The following LRTM2 variants were observed in gnomAD, a reference collection of about 807,000 sequenced individuals.
LRTM2 encodes leucine-rich repeat and transmembrane domain-containing protein 2.
A neutral mutation model predicts 28.1 loss-of-function variants in LRTM2; 18 were observed. The ratio of observed to expected loss-of-function variants is 0.64; its 90% confidence interval spans 0.44 to 0.95. The LOEUF (loss-of-function observed/expected upper bound fraction) is 0.95, where lower values mean the gene tolerates loss of function less well. Among genes scored for constraint, LRTM2 ranks in the 40% least tolerant of loss-of-function variants. The pLI is 0.00. For missense variants in LRTM2, 436 were observed against 497.2 expected (o/e 0.88, Z 1.17); for synonymous variants, 250 against 218.7 (o/e 1.14, Z -1.26).
rs11061994 is a variant in LRTM2, at chr12:1,835,659, A to T, written c.*938A>T. The T allele has an allele frequency of 6.6e-6, 1 of 152,588 alleles. No homozygotes were observed. Among genetic ancestry groups the T allele is most frequent in the Non-Finnish European group, 1.5e-5 (1 of 68,048 alleles). The allele number at this position is 152,588 out of a possible 1,614,324, so 9.5% of individuals were successfully genotyped here. A position where few individuals can be genotyped will look rare whatever the true frequency, so the allele number is the denominator to read the frequency against. On this transcript the variant is annotated 3_prime_UTR_variant, in exon 5 of 5. Transcript: ENST00000299194. ...CCCCTGGAGGAGCCCTCCTGTCACC[A>T]TGGTAACCCTCTCACACCTCTCCTG...
rs777663696 is a variant in LRTM2 at position 1,834,369 on chromosome 12, A to T, written c.761A>T (p.Glu254Val). ...ATGTTCAACTACTGCTCCCAGCTGG[A>T]GGACGAGAATAGCTCAGCTGGGCTG... ...MEMFNYCSQL[E>V]DENSSAGLDI... Residue 254 changes from glutamate to valine, a missense_variant, in exon 5 of 5, where the codon GAG becomes GTG. Coordinates refer to ENST00000299194, the MANE Select transcript of LRTM2 (RefSeq NM_001039029.3). The surrounding 1 kb of genome is among the most constrained non-coding windows in gnomAD (Gnocchi z 7.6). 1 of 1,613,136 alleles carries T rather than the reference A, an allele frequency of 6.2e-7. No individual in the cohort carries two copies. Among genetic ancestry groups the T allele is most frequent in the South Asian group, 1.1e-5 (1 of 91,064 alleles).
In LRTM2 at chr12:1,834,920, G is replaced by A. The variant is rs7954520; in HGVS notation, c.*199G>A. 13,784 of 972,180 alleles carry A rather than the reference G, an allele frequency of 0.014. 844 individuals are homozygous for A. In the African/African-American group the frequency reaches 0.16, roughly 11 times the overall value. The allele number at this position is 972,180 out of a possible 1,614,324, so 60.2% of individuals were successfully genotyped here. On this transcript the variant is annotated 3_prime_UTR_variant, in exon 5 of 5. Transcript: ENST00000299194. The surrounding 1 kb of genome is among the most constrained non-coding windows in gnomAD (Gnocchi z 7.6). ...GAAAGCCACCGTGCTGGGGGCTCCT[G>A]CTGATGCTCCTGTCTGGGCCAGTAA...
Position 1,835,061 on chromosome 12 carries a change from T to G in LRTM2, c.*340T>G, listed in dbSNP as rs1592697629. The G allele has an allele frequency of 3.9e-6, 1 of 257,468 alleles. No individual in the cohort carries two copies. The highest frequency in any genetic ancestry group is 7.4e-6 in the Non-Finnish European group (1 of 134,264). The allele number at this position is 257,468 out of a possible 1,614,324, so 15.9% of individuals were successfully genotyped here. A position where few individuals can be genotyped will look rare whatever the true frequency, so the allele number is the denominator to read the frequency against. The stretch of plus-strand genomic sequence containing the variant: ...CCCTGTCGCCCTTCCTGCCCTGGGG[T>G]GGCCATAGCTGGTGACTCTTCCTAC... On this transcript the variant is annotated 3_prime_UTR_variant, in exon 5 of 5. Coordinates refer to ENST00000299194, the MANE Select transcript of LRTM2 (RefSeq NM_001039029.3).
At chr12:1,822,111 G>T (rs916654508) in intron 1 of LRTM2, 2 of 152,044 alleles carry the variant, frequency 1.3e-5, no homozygotes, top group Non-Finnish European at 2.9e-5. Context: ...CCAAAAGAGG[G>T]AGACCAGGAA....
rs1186760291 is a variant in LRTM2, at chr12:1,833,084, CA to C, written c.659-1178del. On this transcript the variant is annotated intron_variant, in intron 4 of 4. Coordinates refer to ENST00000299194, the MANE Select transcript of LRTM2 (RefSeq NM_001039029.3). The surrounding 1 kb of genome is among the most constrained non-coding windows in gnomAD (Gnocchi z 4.2). ...GTCGCCGGGAACTGAATTCCCAGCA[CA>C]AAAATGCATGCCATGAGAATGTGCA... is the stretch of plus-strand genomic sequence containing the variant. Among the ~76,000 whole-genome samples the C allele has an allele frequency of 1.3e-5, 2 of 152,182 alleles. No individual in the cohort carries two copies. The highest frequency in any genetic ancestry group is 2.9e-5 in the Non-Finnish European group (2 of 68,026).
Position 1,834,788 on chromosome 12 carries a change from C to A in LRTM2, c.*67C>A. 6.7e-7 allele frequency: 1 copy of A among 1,500,408 alleles called. No homozygotes were observed. 92.9% of individuals were successfully genotyped at this position (1,500,408 alleles called of 1,614,324 possible). A position where few individuals can be genotyped will look rare whatever the true frequency, so the allele number is the denominator to read the frequency against. ...CACACGGCATTGCTCAGCCACAGCT[C>A]CCACCTTGACCCGGCGCTGGCCACT... On this transcript the variant is annotated 3_prime_UTR_variant, in exon 5 of 5. Coordinates refer to ENST00000299194, the MANE Select transcript of LRTM2 (RefSeq NM_001039029.3). The surrounding 1 kb of genome is among the most constrained non-coding windows in gnomAD (Gnocchi z 7.6).
At chr12:1,825,905 T>G (rs1282684710) in intron 1 of LRTM2, among the ~76,000 whole-genome samples, 10 of 152,158 alleles carry the variant, frequency 6.6e-5, no homozygotes, top group African/African-American at 2.4e-4. Flanking sequence ...CCGTGGACTG[T>G]GAGCTCTTGA....
At position 1,829,705 on chromosome 12, in the gene LRTM2, C is replaced by A. The variant is rs1220002497; in HGVS notation, c.68-1230C>A. ...TCACAGCCCATCGGCCCACCCCGAC[C>A]TGGGACAGCCAGGTCCCAGGTCCCA... On this transcript the variant is annotated intron_variant, in intron 3 of 4. Transcript: ENST00000299194. This position sits in a 1 kb window ranked among gnomAD's most constrained non-coding sequence, Gnocchi z 4.2. 6.8e-6 allele frequency among the ~76,000 whole-genome samples: 1 copy of A among 147,860 alleles called. No homozygotes were observed. Among genetic ancestry groups the A allele is most frequent in the Admixed American group, 6.7e-5 (1 of 14,896 alleles).
rs200356957 is a variant in LRTM2 at position 1,827,888 on chromosome 12, G to GCC, written c.-73-185_-73-184dup. The GCC allele has an allele frequency of 2.9e-3, 1,150 of 396,452 alleles. 12 individuals carry two copies. The highest frequency in any genetic ancestry group is 0.022 in the African/African-American group (1,065 of 48,496). 24.6% of individuals were successfully genotyped at this position (396,452 alleles called of 1,614,324 possible). A position where few individuals can be genotyped will look rare whatever the true frequency, so the allele number is the denominator to read the frequency against. On this transcript the variant is annotated intron_variant, in intron 2 of 4. Transcript: ENST00000299194. ...TCGGGCTCCTGGAAAGCCGAAGCCT[G>GCC]CCCCGCCCCCATCCCAGGGGCTTGA...
At chr12:1,826,095 G>A (rs966404785) in intron 1 of LRTM2, among the ~76,000 whole-genome samples, 3 of 152,096 alleles carry the variant, frequency 2.0e-5, no homozygotes, top group African/African-American at 7.2e-5. Context: ...AGGGGAGGTT[G>A]GTGGGATCGG....
chr12:1,821,437 G>C (rs1322901278), intron 1 of LRTM2, among the ~76,000 whole-genome samples: 2 of 152,224 alleles, frequency 1.3e-5, no homozygotes, highest in Non-Finnish European at 1.5e-5. Flanking sequence ...AGCCTCCCTG[G>C]TGAGGGTGAG....
Position 1,829,569 on chromosome 12 carries a change from C to A in LRTM2, c.67+1354C>A, listed in dbSNP as rs1467094332. 1.3e-5 allele frequency among the ~76,000 whole-genome samples: 2 copies of A among 152,046 alleles called. No individual in the cohort carries two copies. The highest frequency in any genetic ancestry group is 4.8e-5 in the African/African-American group (2 of 41,426). On this transcript the variant is annotated intron_variant, in intron 3 of 4. Transcript: ENST00000299194. This position sits in a 1 kb window ranked among gnomAD's most constrained non-coding sequence, Gnocchi z 4.2. ...GTGTCAGCTCTCAGCTGTCATCGAT[C>A]CTCCAGGCAGGGAAGGGGAGAGTCT...
At chr12:1,827,092 G>A (rs1396449677) in intron 1 of LRTM2, among the ~76,000 whole-genome samples, 1 of 152,210 alleles carries the variant, frequency 6.6e-6, no homozygotes, top group Admixed American at 6.5e-5. Context: ...AGCCCGTGGA[G>A]GGCGAAGGAG....
rs372554979 is a variant in LRTM2, at chr12:1,834,741, C to T, written c.*20C>T. 119 of 1,569,190 alleles carry T rather than the reference C, an allele frequency of 7.6e-5. 1 individual carries two copies. Among genetic ancestry groups the T allele is most frequent in the Non-Finnish European group, 9.5e-5 (110 of 1,159,428 alleles). Reference sequence around the variant, plus strand: ...GCCTGAGCGCCCATCCCCACCCGGCCAGGTAGGAAGGGCGGGGAGAGCACA... The same window carrying T: ...GCCTGAGCGCCCATCCCCACCCGGCTAGGTAGGAAGGGCGGGGAGAGCACA... On this transcript the variant is annotated 3_prime_UTR_variant, in exon 5 of 5. Transcript: ENST00000299194. The surrounding 1 kb of genome is among the most constrained non-coding windows in gnomAD (Gnocchi z 7.6).
rs547450373 is a variant in LRTM2 at position 1,832,965 on chromosome 12, C to T, written c.659-1302C>T. ...TTTGCATCCCCAGGCAGCACTGATA[C>T]GTGTTCCTGGGATGTGAGGTTTGCT... is the stretch of plus-strand genomic sequence containing the variant. On this transcript the variant is annotated intron_variant, in intron 4 of 4. Transcript: ENST00000299194. Among the ~76,000 whole-genome samples, 8 of 152,350 alleles carry T rather than the reference C, an allele frequency of 5.3e-5. No individual in the cohort carries two copies. The East Asian group carries it at 1.3e-3, about 26-fold the overall frequency.
At chr12:1,827,981 A>G (rs1864423404) in intron 2 of LRTM2, 95 bp from the exon 3 acceptor site, 4 of 475,684 alleles carry the variant, frequency 8.4e-6, no homozygotes, top group Non-Finnish European at 1.5e-5. Flanking sequence ...AGAGGGCATG[A>G]GGAGTGTAAA....
Position 1,828,108 on chromosome 12 carries a change from C to A in LRTM2, c.-41C>A. The A allele has an allele frequency of 6.7e-7, 1 of 1,488,668 alleles. No homozygotes were observed. The highest frequency in any genetic ancestry group is 2.3e-5 in the Admixed American group (1 of 43,594). 92.2% of individuals were successfully genotyped at this position (1,488,668 alleles called of 1,614,324 possible). A position where few individuals can be genotyped will look rare whatever the true frequency, so the allele number is the denominator to read the frequency against. ...AGGCGGCGCACCCAGGGGCTCCTCT[C>A]TCCCCAGAGCGACAGGGCCCGGAGA... On this transcript the variant is annotated 5_prime_UTR_variant, in exon 3 of 5. Transcript: ENST00000299194. The surrounding 1 kb of genome is among the most constrained non-coding windows in gnomAD (Gnocchi z 4.2).
rs1592684820 is a variant in LRTM2, at chr12:1,827,812, C to T, written c.-74+218C>T. On this transcript the variant is annotated intron_variant, in intron 2 of 4. Transcript: ENST00000299194. ...GGAGGCAACAAGAAGGCAGATGAGG[C>T]TGGGTAGGCCCATGGGTGCACCCCC... 1.6e-5 allele frequency: 5 copies of T among 309,428 alleles called. No homozygotes were observed. The East Asian group carries it at 2.5e-4, about 16-fold the overall frequency. The allele number at this position is 309,428 out of a possible 1,614,324, so 19.2% of individuals were successfully genotyped here. A position where few individuals can be genotyped will look rare whatever the true frequency, so the allele number is the denominator to read the frequency against.
At position 1,831,294 on chromosome 12, in the gene LRTM2, C is replaced by A; in HGVS notation, c.427C>A (p.Arg143Ser). The change falls in exon 4 of 5, where the codon CGC (arginine) becomes AGC (serine). Residue 143 changes from arginine (R) to serine (S), a missense_variant. By Grantham distance (110) the Arg-to-Ser change is moderately radical (BLOSUM62 -1). Transcript: ENST00000299194. ...CCTGCTGCGGCACTCGCCGCTGCTC[C>A]GCCACCTGGACCTGTCCATCAACGG... is the stretch of plus-strand genomic sequence containing the variant. ...RDLLRHSPLL[R>S]HLDLSINGLA... is the part of the protein sequence containing the mutation. 6.2e-7 allele frequency: 1 copy of A among 1,613,700 alleles called. No individual in the cohort carries two copies. The highest frequency in any genetic ancestry group is 1.1e-5 in the South Asian group (1 of 91,076).
Sources: allele counts gnomAD v4.1 joint callset (sites outside exome capture counted in the v4.1 genomes callset), GRCh38; gene constraint gnomAD v4.1.1; non-coding constraint Gnocchi (gnomAD v3.1); transcripts MANE v1.5; gene names NCBI Gene and HGNC (gene_info 2026-07-23, HGNC 2026-07-21).